Variants in RAB28 observed in about 807,000 individuals in gnomAD.
The protein encoded by RAB28 is RAB28, member RAS oncogene family.
RAB28 carries 24 observed loss-of-function variants against 31.7 expected under a neutral mutation model. The ratio of observed to expected loss-of-function variants is 0.76; its 90% CI spans 0.55 to 1.06. RAB28 has a LOEUF of 1.06. RAB28 is among the 50% of genes least tolerant of loss of function. The pLI is 0.00. For synonymous variants in RAB28, 100 were observed against 90.4 expected, an observed-to-expected ratio of 1.11 and a Z score of -0.60; for missense variants, 254 against 258.5, an observed-to-expected ratio of 0.98 and a Z score of 0.12.
chr4:13,369,927 T>G (rs1049554991), intron 6 of RAB28: 3 of 1,612,618 alleles, frequency 1.9e-6, no homozygotes, highest in African/African-American at 2.7e-5. Context: ...GTTGATTTTC[T>G]TCTTCCGGGT....
intron 6 of RAB28, among the ~76,000 whole-genome samples, chr4:13,373,399 A>C (rs914430767): frequency 2.6e-5 from 4 of 152,134 alleles, no homozygotes; most frequent in Non-Finnish European, 4.4e-5. Flanking sequence ...ATGCAAATGA[A>C]ACTATTAACC....
At chr4:13,473,417 C>T (rs1716207585) in intron 3 of RAB28, among the ~76,000 whole-genome samples, 2 of 151,974 alleles carry the variant, frequency 1.3e-5, no homozygotes, top group Admixed American at 1.3e-4. Context: ...TCAAGTATTA[C>T]ATACAGAGCT....
intron 4 of RAB28, among the ~76,000 whole-genome samples, chr4:13,429,111 AT>A (rs928945647): frequency 2.6e-5 from 4 of 151,532 alleles, no homozygotes; most frequent in Admixed American, 6.6e-5. Flanking sequence ...CGCCTAGCTA[AT>A]TTTTTTTATT....
At chr4:13,401,392 G>C (rs981886253) in intron 4 of RAB28, among the ~76,000 whole-genome samples, 1 of 152,140 alleles carries the variant, frequency 6.6e-6, no homozygotes, top group Non-Finnish European at 1.5e-5. Flanking sequence ...AGGGAGCTAG[G>C]GGAGGGATAG....
intron 1 of RAB28, among the ~76,000 whole-genome samples, chr4:13,480,729 G>C (rs1481552800): frequency 6.6e-6 from 1 of 151,932 alleles, no homozygotes; most frequent in East Asian, 1.9e-4. Context: ...AATTGGCCAA[G>C]TATTTGTTGA....
chr4:13,413,700 T>C (rs184142904), intron 4 of RAB28, among the ~76,000 whole-genome samples: 128 of 152,320 alleles, frequency 8.4e-4, no homozygotes, highest in Admixed American at 2.4e-3. Context: ...GAGATAGTTT[T>C]TTTATAAATT....
At chr4:13,464,417 G>A (rs1038427083) in intron 3 of RAB28, among the ~76,000 whole-genome samples, 6 of 152,052 alleles carry the variant, frequency 3.9e-5, no homozygotes, top group South Asian at 4.1e-4. Flanking sequence ...CCCTGTAGCC[G>A]GTCTGTCTCA....
At position 13,414,978 on chromosome 4, in the gene RAB28, A is replaced by G. The variant is rs1306445049; in HGVS notation, c.392-33384T>C. Reference sequence around the variant, plus strand: ...CCTACTGAATGATAAAATACTAAATAAGGCAATTCTTATAAAGTCAGTATT... The same window carrying G: ...CCTACTGAATGATAAAATACTAAATGAGGCAATTCTTATAAAGTCAGTATT... On this transcript the variant is annotated intron_variant, in intron 4 of 6. Transcript: ENST00000330852. Among the ~76,000 whole-genome samples the G allele has an allele frequency of 2.0e-5, 3 of 152,338 alleles. No individual in the cohort carries two copies. In the South Asian group the frequency reaches 6.2e-4, roughly 32 times the overall value.
chr4:13,451,129 G>A (rs763717725), intron 4 of RAB28, among the ~76,000 whole-genome samples: 4 of 151,738 alleles, frequency 2.6e-5, no homozygotes, highest in Non-Finnish European at 4.4e-5. Context: ...TAGTTTATAT[G>A]AGATGAGATT....
At chr4:13,387,662 C>T (rs1183428115) in intron 4 of RAB28, among the ~76,000 whole-genome samples, 1 of 152,004 alleles carries the variant, frequency 6.6e-6, no homozygotes. Flanking sequence ...GCTAGATTCT[C>T]CTTCAACAAT....
intron 4 of RAB28, among the ~76,000 whole-genome samples, chr4:13,417,512 G>C (rs2108916545): frequency 6.6e-6 from 1 of 152,322 alleles, no homozygotes; most frequent in East Asian, 1.9e-4. Flanking sequence ...ACCTCGTACA[G>C]GCAGGTGCCC....
chr4:13,419,736 G>A (rs1713009082), intron 4 of RAB28, among the ~76,000 whole-genome samples: 1 of 152,014 alleles, frequency 6.6e-6, no homozygotes, highest in East Asian at 1.9e-4. Flanking sequence ...AAAATCTCTG[G>A]GACACATTTA....
chr4:13,400,517 T>G (rs1711687321), intron 4 of RAB28, among the ~76,000 whole-genome samples: 4 of 152,188 alleles, frequency 2.6e-5, no homozygotes, highest in Admixed American at 2.0e-4. Context: ...TTTGTAGTTT[T>G]ATTTCTTCCT....
intron 4 of RAB28, among the ~76,000 whole-genome samples, chr4:13,415,762 C>G (rs1038487927): frequency 6.6e-6 from 1 of 152,184 alleles, no homozygotes; most frequent in Non-Finnish European, 1.5e-5. Flanking sequence ...AAGGCTGAGG[C>G]GTGCGGGCGC....
At chr4:13,415,431 G>A (rs977583456) in intron 4 of RAB28, among the ~76,000 whole-genome samples, 1 of 152,168 alleles carries the variant, frequency 6.6e-6, no homozygotes, top group Non-Finnish European at 1.5e-5. Context: ...GGGCTGCGCG[G>A]TGCTTGCAGG....
At chr4:13,466,609 A>G (rs1198286078) in intron 3 of RAB28, among the ~76,000 whole-genome samples, 1 of 151,896 alleles carries the variant, frequency 6.6e-6, no homozygotes, top group East Asian at 1.9e-4. Context: ...TGTAAATAAG[A>G]ATGCCATTAT....
intron 6 of RAB28, chr4:13,371,621 T>A: frequency 1.0e-6 from 1 of 985,290 alleles, no homozygotes; most frequent in Non-Finnish European, 1.2e-6. Context: ...GTAAAATGTT[T>A]CCGAACTGTA....
intron 2 of RAB28, among the ~76,000 whole-genome samples, chr4:13,475,719 T>G (rs886143559): frequency 4.6e-5 from 7 of 151,552 alleles, no homozygotes; most frequent in Non-Finnish European, 3.0e-5. Flanking sequence ...TTTCAACACT[T>G]AGACTAATGA....
intron 4 of RAB28, among the ~76,000 whole-genome samples, chr4:13,382,042 T>C (rs1387097615): frequency 2.6e-5 from 4 of 152,246 alleles, no homozygotes; most frequent in African/African-American, 9.6e-5. Context: ...GTAATCTCTA[T>C]AAGCTTGAAT....
Sources: allele counts gnomAD v4.1 joint callset (sites outside exome capture counted in the v4.1 genomes callset), GRCh38; gene constraint gnomAD v4.1.1; transcripts MANE v1.5; gene names NCBI Gene and HGNC (gene_info 2026-07-23, HGNC 2026-07-21).